Variants in NEK7 observed in about 807,000 individuals in gnomAD.
NEK7 encodes NIMA related kinase 7.
In NEK7, 18 loss-of-function variants were observed where a neutral mutation model predicts 44.6. The observed-to-expected ratio is 0.40, with a 90% confidence interval of 0.28 to 0.60. The LOEUF (loss-of-function observed/expected upper bound fraction) is 0.60. Among genes scored for constraint, NEK7 ranks in the 20% least tolerant of loss-of-function variants. NEK7 has a pLI of 0.38. For missense variants in NEK7, 256 were observed against 366.5 expected (o/e 0.70, Z 2.46); for synonymous variants, 130 against 121.1 (o/e 1.07, Z -0.48).
chr1:198,299,589 G>GAT (rs1221188628), intron 9 of NEK7, among the ~76,000 whole-genome samples: 10 of 152,128 alleles, frequency 6.6e-5, no homozygotes, highest in African/African-American at 2.4e-4. Flanking sequence ...TAGCTACAAT[G>GAT]ATAACAGAGT....
chr1:198,220,008 T>A (rs997775417), intron 1 of NEK7, among the ~76,000 whole-genome samples: 47 of 151,800 alleles, frequency 3.1e-4, no homozygotes, highest in Non-Finnish European at 1.0e-4. Flanking sequence ...GATTCTTGCC[T>A]GAATCAGTTA....
chr1:198,219,197 GGT>G (rs200974813), intron 1 of NEK7, among the ~76,000 whole-genome samples: 1 of 150,232 alleles, frequency 6.7e-6, no homozygotes, highest in African/African-American at 2.4e-5. Context: ...AGAAAATATT[GGT>G]GTGTGTGTGT....
chr1:198,314,761 A>G lies in NEK7; in HGVS notation c.799-4651A>G, dbSNP rs374377753. Among the ~76,000 whole-genome samples, 1,211 of 152,308 alleles carry G rather than the reference A, an allele frequency of 8.0e-3. 11 individuals carry two copies. Among genetic ancestry groups the G allele is most frequent in the African/African-American group, 0.025 (1,020 of 41,576 alleles). ...AGGCTGCTCAGGGGTCAGGGGTCAG[A>G]GACCCACTTGAGGAGGCAGTCTGCC... is the stretch of plus-strand genomic sequence containing the variant. On this transcript the variant is annotated intron_variant, in intron 9 of 9. Coordinates refer to ENST00000367385, the MANE Select transcript of NEK7 (RefSeq NM_133494.3).
intron 1 of NEK7, among the ~76,000 whole-genome samples, chr1:198,186,062 A>G (rs1664914427): frequency 2.0e-5 from 3 of 152,230 alleles, no homozygotes; most frequent in Non-Finnish European, 1.5e-5. Context: ...ACTAGCTGGA[A>G]GATTTATGTT....
At chr1:198,193,159 A>G (rs1364942535) in intron 1 of NEK7, among the ~76,000 whole-genome samples, 1 of 152,186 alleles carries the variant, frequency 6.6e-6, no homozygotes, top group Non-Finnish European at 1.5e-5. Flanking sequence ...ACAAACAACC[A>G]TCAGAGAATA....
intron 8 of NEK7, among the ~76,000 whole-genome samples, chr1:198,295,466 G>GCAGC (rs934298753): frequency 2.6e-5 from 4 of 152,236 alleles, no homozygotes; most frequent in African/African-American, 4.8e-5. Context: ...GAGAGGGCGA[G>GCAGC]CAGCTGTCAG....
chr1:198,297,469 C>G (rs973760375), intron 9 of NEK7, among the ~76,000 whole-genome samples: 1 of 152,182 alleles, frequency 6.6e-6, no homozygotes, highest in African/African-American at 2.4e-5. Context: ...AAATTGGCCA[C>G]TTTCTAGGTG....
intron 3 of NEK7, among the ~76,000 whole-genome samples, chr1:198,253,560 T>C (rs1653153298): frequency 1.3e-5 from 2 of 152,144 alleles, no homozygotes; most frequent in Admixed American, 1.3e-4. Context: ...TGCCCGAAGT[T>C]AGTAAATGGC....
intron 1 of NEK7, among the ~76,000 whole-genome samples, chr1:198,179,239 A>G (rs1664689705): frequency 6.6e-6 from 1 of 152,132 alleles, no homozygotes; most frequent in African/African-American, 2.4e-5. Context: ...AAATGAAAAC[A>G]TTATTTGGAA....
chr1:198,227,542 C>A (rs1323778707), intron 1 of NEK7, among the ~76,000 whole-genome samples: 2 of 152,174 alleles, frequency 1.3e-5, no homozygotes, highest in Non-Finnish European at 2.9e-5. Flanking sequence ...TGTTTCCTGG[C>A]TTTTTAATGA....
At chr1:198,302,236 A>G (rs1411393351) in intron 9 of NEK7, among the ~76,000 whole-genome samples, 1 of 152,230 alleles carries the variant, frequency 6.6e-6, no homozygotes, top group East Asian at 1.9e-4. Context: ...ATTCAATCAA[A>G]TAACTAATAT....
intron 1 of NEK7, among the ~76,000 whole-genome samples, chr1:198,204,717 C>CAAAAAAAAA: frequency 1.1e-5 from 1 of 87,888 alleles, no homozygotes; most frequent in Non-Finnish European, 2.5e-5. Flanking sequence ...GACTCCGTCT[C>CAAAAAAAAA]AAAAAAAAAA....
At chr1:198,205,326 A>G (rs1356734459) in intron 1 of NEK7, among the ~76,000 whole-genome samples, 1 of 152,232 alleles carries the variant, frequency 6.6e-6, no homozygotes, top group Non-Finnish European at 1.5e-5. Flanking sequence ...AAATGAAAAT[A>G]CTGTGCCAGT....
At chr1:198,309,451 T>A (rs893233002) in intron 9 of NEK7, among the ~76,000 whole-genome samples, 2 of 152,070 alleles carry the variant, frequency 1.3e-5, no homozygotes, top group African/African-American at 2.4e-5. Context: ...TTTTCTTTTT[T>A]TTATTATTAT....
chr1:198,306,278 A>T (rs995246070), intron 9 of NEK7, among the ~76,000 whole-genome samples: 1 of 152,116 alleles, frequency 6.6e-6, no homozygotes, highest in African/African-American at 2.4e-5. Context: ...CCATAAGGAG[A>T]TATATTTTGA....
At chr1:198,227,890 A>G (rs1248381081) in intron 1 of NEK7, among the ~76,000 whole-genome samples, 2 of 152,070 alleles carry the variant, frequency 1.3e-5, no homozygotes, top group Non-Finnish European at 2.9e-5. Flanking sequence ...CCATTTGTCA[A>G]TTTTGGCTTT....
chr1:198,246,165 T>TCCC (rs1436414606), intron 2 of NEK7, among the ~76,000 whole-genome samples: 7 of 152,190 alleles, frequency 4.6e-5, no homozygotes, highest in Non-Finnish European at 8.8e-5. Context: ...TATATAGATA[T>TCCC]ATTACCTGCC....
intron 3 of NEK7, among the ~76,000 whole-genome samples, chr1:198,255,822 G>A (rs1653242669): frequency 6.6e-6 from 1 of 152,102 alleles, no homozygotes; most frequent in Non-Finnish European, 1.5e-5. Context: ...ATTTATTAGG[G>A]AGCAACGCCT....
chr1:198,159,195 G>A (rs1664018979), intron 1 of NEK7, among the ~76,000 whole-genome samples: 1 of 152,180 alleles, frequency 6.6e-6, no homozygotes, highest in Non-Finnish European at 1.5e-5. Context: ...CGGGAGGGCG[G>A]GTACTTCCTA....
Sources: allele counts gnomAD v4.1 joint callset (sites outside exome capture counted in the v4.1 genomes callset), GRCh38; gene constraint gnomAD v4.1.1; transcripts MANE v1.5; gene names NCBI Gene and HGNC (gene_info 2026-07-23, HGNC 2026-07-21).